Variants in TPR observed in about 807,000 individuals in gnomAD.
The protein encoded by TPR is nucleoprotein TPR.
Under a neutral mutation model 316.1 loss-of-function variants are expected in TPR, and 51 were observed. That is an observed-to-expected ratio of 0.16 (90% CI 0.13 to 0.20). The LOEUF is 0.20. TPR is among the 10% of genes least tolerant of loss of function. The pLI is 1.00. For synonymous variants in TPR, 981 were observed against 914.7 expected (o/e 1.07, Z -1.31); for missense variants, 2,272 against 2,754.8 (o/e 0.82, Z 3.92).
At chr1:186,327,734 T>C (rs182602537) in intron 39 of TPR, 74 bp from the exon 40 acceptor site, 8 of 1,326,240 alleles carry the variant, frequency 6.0e-6, no homozygotes, top group African/African-American at 1.5e-5. Context: ...GAGGTATTAT[T>C]ATAGGTCAAA....
In TPR at chr1:186,312,899, G is replaced by A; in HGVS notation, c.*1072C>T. 6.2e-7 allele frequency: 1 copy of A among 1,610,756 alleles called. No homozygotes were observed. On this transcript the variant is annotated 3_prime_UTR_variant, in exon 51 of 51. Transcript: ENST00000367478. ...ATTACTATGCCTTTTCTAAAGGTAA[G>A]GTATTAACTAACAGTTTCCCAAGGA...
intron 24 of TPR, 48 bp downstream of exon 24, chr1:186,345,532 T>A: frequency 7.1e-7 from 1 of 1,406,466 alleles, no homozygotes; most frequent in Non-Finnish European, 1.0e-6. Context: ...ACTTCAAGAA[T>A]CATTCTCTAG....
intron 4 of TPR, among the ~76,000 whole-genome samples, chr1:186,364,520 C>T (rs1358624535): frequency 6.6e-6 from 1 of 152,184 alleles, no homozygotes; most frequent in Non-Finnish European, 1.5e-5. Flanking sequence ...TGCAGGATTG[C>T]TATCACATAC....
At chr1:186,354,082 C>A in intron 17 of TPR, 1 of 397,266 alleles carries the variant, frequency 2.5e-6, no homozygotes, top group Non-Finnish European at 4.5e-6. Flanking sequence ...TTTGCCTCAA[C>A]CTCAAACAGC....
In TPR at chr1:186,357,503, A is replaced by G; in HGVS notation, c.1618T>C (p.Tyr540His). 1 of 1,614,094 alleles carries G rather than the reference A, an allele frequency of 6.2e-7. No homozygotes were observed. Among genetic ancestry groups the G allele is most frequent in the Non-Finnish European group, 8.5e-7 (1 of 1,180,016 alleles). ...TGTTGAAGCTCTTCAATATTTCTGT[A>G]AGATACTAGATGCTGTGATATTACC... is the stretch of plus-strand genomic sequence containing the variant. ...SEVISQHLVS[Y>H]RNIEELQQQN... is the part of the protein sequence containing the mutation. The change falls in exon 14 of 51, where the codon TAC becomes CAC. Residue 540 changes from tyrosine to histidine, a missense_variant. Physicochemically the swap from Tyr to His is moderately conservative, Grantham distance 83. This residue lies in a region of TPR where 11 missense variants were observed against 36.7 expected (regional missense o/e 0.30). Transcript: ENST00000367478.
At chr1:186,337,267 A>C in intron 31 of TPR, 111 bp from the exon 32 acceptor site, 1 of 1,321,678 alleles carries the variant, frequency 7.6e-7, no homozygotes, top group Non-Finnish European at 1.0e-6. Flanking sequence ...TTTATCCCTG[A>C]AGGTATTCAA....
chr1:186,368,755 G>T (rs897937873), intron 3 of TPR, among the ~76,000 whole-genome samples: 1 of 152,164 alleles, frequency 6.6e-6, no homozygotes, highest in African/African-American at 2.4e-5. Flanking sequence ...AAGCTTTTTA[G>T]TTTGATGTAG....
At chr1:186,345,729 T>G in intron 23 of TPR, 33 bp from the exon 24 acceptor site, 1 of 1,465,254 alleles carries the variant, frequency 6.8e-7, no homozygotes, top group East Asian at 2.3e-5. Context: ...AAACCAAAAT[T>G]AATTGCAAAC....
chr1:186,316,362 T>G (rs1255395771), intron 49 of TPR, among the ~76,000 whole-genome samples: 1 of 152,166 alleles, frequency 6.6e-6, no homozygotes, highest in African/African-American at 2.4e-5. Context: ...ACGGTAGATA[T>G]TAGGGATATT....
chr1:186,331,622 G>T, intron 38 of TPR, 41 bp from the exon 39 acceptor site: 1 of 1,324,724 alleles, frequency 7.5e-7, no homozygotes, highest in Non-Finnish European at 1.0e-6. Context: ...TATCAGTGTA[G>T]TAGATGAAGG....
chr1:186,325,385 C>CA (rs1657893197), intron 42 of TPR: 1 of 161,504 alleles, frequency 6.2e-6, no homozygotes, highest in African/African-American at 2.4e-5. Context: ...GACCATACTG[C>CA]AAAGCTCCAA....
Position 186,318,724 on chromosome 1 carries a change from G to C in TPR, c.6664+9C>G. ...AAAACAGAACCTACTATCTGCCTTT[G>C]ATCCCTACCTGGGGCTGCTACTTGT... On this transcript the variant is annotated intron_variant, in intron 47 of 50. Transcript: ENST00000367478. 6.2e-7 allele frequency: 1 copy of C among 1,613,826 alleles called. No individual in the cohort carries two copies. The highest frequency in any genetic ancestry group is 8.5e-7 in the Non-Finnish European group (1 of 1,179,934).
chr1:186,333,484 C>A, intron 36 of TPR, 90 bp from the exon 37 acceptor site: 1 of 1,506,582 alleles, frequency 6.6e-7, no homozygotes, highest in South Asian at 1.3e-5. Context: ...TGTCACCTTT[C>A]ACACAGATTT....
Position 186,366,560 on chromosome 1 carries a change from G to A in TPR, c.427+1326C>T, listed in dbSNP as rs1228243033. 2.0e-5 allele frequency among the ~76,000 whole-genome samples: 3 copies of A among 152,096 alleles called. No individual in the cohort carries two copies. In the East Asian group the frequency reaches 5.8e-4, roughly 29 times the overall value. On this transcript the variant is annotated intron_variant, in intron 4 of 50. Coordinates refer to ENST00000367478, the MANE Select transcript of TPR (RefSeq NM_003292.3). ...ACCCTAACCACTGTGTTGTTTAAGGGTCAACTGTAGTTCTCAACTCTCTTA... is the reference window on the plus strand; with the variant it reads ...ACCCTAACCACTGTGTTGTTTAAGGATCAACTGTAGTTCTCAACTCTCTTA...
chr1:186,356,561 C>T (rs1659035055), intron 14 of TPR, 112 bp from the exon 15 acceptor site: 1 of 1,054,620 alleles, frequency 9.5e-7, no homozygotes. Context: ...CCATTTTTGT[C>T]TCTCTCATTA....
rs146593477 is a variant in TPR at position 186,346,120 on chromosome 1, G to A, written c.3096+15C>T. On this transcript the variant is annotated intron_variant, in intron 23 of 50. Coordinates refer to ENST00000367478, the MANE Select transcript of TPR (RefSeq NM_003292.3). ...TACAAGTTAAAAAAAAAATTAATAC[G>A]GTTAACCTATTTACCTGTTGTTCCA... 3.8e-6 allele frequency: 6 copies of A among 1,579,438 alleles called. No individual in the cohort carries two copies. The highest frequency in any genetic ancestry group is 2.7e-5 in the African/African-American group (2 of 72,960).
intron 13 of TPR, 117 bp from the exon 14 acceptor site, chr1:186,357,740 C>A: frequency 1.3e-6 from 1 of 764,570 alleles, no homozygotes; most frequent in Non-Finnish European, 2.0e-6. Context: ...TGTACTGCCT[C>A]AAATTATCTT....
chr1:186,327,227 A>AAT lies in TPR; in HGVS notation c.5889+231_5889+232dup, dbSNP rs1394788844. 3.3e-3 allele frequency among the ~76,000 whole-genome samples: 50 copies of AAT among 15,098 alleles called. 18 individuals are homozygous for AAT. Among genetic ancestry groups the AAT allele is most frequent in the East Asian group, 0.01 (4 of 396 alleles). The allele number at this position is 15,098 out of a possible 152,430, so 9.9% of individuals were successfully genotyped here. A position where few individuals can be genotyped will look rare whatever the true frequency, so the allele number is the denominator to read the frequency against. ...ATATATATAATATATATAAATATAT[A>AAT]ATATATATTTATATATATAATATAT... On this transcript the variant is annotated intron_variant, in intron 40 of 50. Coordinates refer to ENST00000367478, the MANE Select transcript of TPR (RefSeq NM_003292.3).
intron 33 of TPR, 102 bp downstream of exon 33, chr1:186,336,394 C>T: frequency 1.8e-6 from 2 of 1,094,480 alleles, no homozygotes; most frequent in South Asian, 2.7e-5. Flanking sequence ...ACACAAACAC[C>T]CTTCATAAGT....
Sources: gnomAD v4.1 joint callset for allele counts (sites outside exome capture counted in the v4.1 genomes callset) on GRCh38, gnomAD v4.1.1 for gene constraint, gnomAD v4.1.1 regional missense constraint, MANE v1.5 for transcripts, NCBI Gene and HGNC (gene_info 2026-07-23, HGNC 2026-07-21) for gene names.